BBOX1: variants seen among roughly 807,000 people sequenced by gnomAD.
BBOX1 encodes the protein gamma-butyrobetaine dioxygenase.
Under a neutral mutation model 41.6 loss-of-function variants are expected in BBOX1, and 35 were observed. The observed-to-expected ratio is 0.84, with a 90% confidence interval of 0.64 to 1.11. The LOEUF is 1.11. BBOX1 is among the 50% of genes most tolerant of loss of function. BBOX1 has a pLI of 0.00. For synonymous variants in BBOX1, 163 were observed against 154.7 expected, an observed-to-expected ratio of 1.05 and a Z score of -0.40; for missense variants, 458 against 460.6, an observed-to-expected ratio of 0.99 and a Z score of 0.05.
chr11:27,076,091 G>C (rs1351623995), intron 4 of BBOX1, among the ~76,000 whole-genome samples: 1 of 152,196 alleles, frequency 6.6e-6, no homozygotes, highest in African/African-American at 2.4e-5. Flanking sequence ...TCTCCGCCTA[G>C]GAGTAGGATT....
intron 4 of BBOX1, among the ~76,000 whole-genome samples, chr11:27,065,772 ATAC>A (rs1857264195): frequency 6.6e-6 from 1 of 152,162 alleles, no homozygotes; most frequent in Admixed American, 6.5e-5. Context: ...AAAAGCCTGT[ATAC>A]TACTACATCT....
intron 2 of BBOX1, among the ~76,000 whole-genome samples, chr11:27,054,440 C>T (rs1856916893): frequency 6.6e-6 from 1 of 152,104 alleles, no homozygotes; most frequent in Non-Finnish European, 1.5e-5. Context: ...TGGAAAATAA[C>T]ATATGAAGAA....
chr11:27,105,496 AT>A (rs1179066058), intron 5 of BBOX1, among the ~76,000 whole-genome samples: 1 of 152,206 alleles, frequency 6.6e-6, no homozygotes, highest in Non-Finnish European at 1.5e-5. Context: ...GGTATCAGTA[AT>A]TGAAGATCAA....
At chr11:27,108,259 C>A (rs1461069298) in intron 5 of BBOX1, among the ~76,000 whole-genome samples, 4 of 152,032 alleles carry the variant, frequency 2.6e-5, no homozygotes, top group South Asian at 2.1e-4. Context: ...GCATCTCAAC[C>A]AGTTTTTGGC....
chr11:27,100,158 C>T (rs1030712124), intron 5 of BBOX1, among the ~76,000 whole-genome samples: 12 of 152,068 alleles, frequency 7.9e-5, no homozygotes, highest in East Asian at 5.8e-4. Context: ...TACTATTTCT[C>T]GGCATCTCAC....
At chr11:27,061,011 T>C (rs1171579882) in intron 4 of BBOX1, among the ~76,000 whole-genome samples, 1 of 152,214 alleles carries the variant, frequency 6.6e-6, no homozygotes, top group Non-Finnish European at 1.5e-5. Flanking sequence ...ATGTATTTTT[T>C]TAAATTTATT....
intron 4 of BBOX1, among the ~76,000 whole-genome samples, chr11:27,064,605 C>T (rs1037050094): frequency 3.9e-5 from 6 of 152,034 alleles, no homozygotes; most frequent in Non-Finnish European, 5.9e-5. Context: ...AAAGAAAGAC[C>T]ATGGTTTTAC....
intron 4 of BBOX1, among the ~76,000 whole-genome samples, chr11:27,084,239 C>T (rs1033433461): frequency 6.6e-6 from 1 of 152,104 alleles, no homozygotes; most frequent in African/African-American, 2.4e-5. Flanking sequence ...ACCCCTGTTG[C>T]CAAAGCAGTA....
At chr11:27,123,438 A>G (rs1859535823) in intron 7 of BBOX1, among the ~76,000 whole-genome samples, 1 of 152,198 alleles carries the variant, frequency 6.6e-6, no homozygotes, top group South Asian at 2.1e-4. Flanking sequence ...AGTGGAAGAA[A>G]AGTAAAGCAG....
intron 4 of BBOX1, among the ~76,000 whole-genome samples, chr11:27,087,956 T>C (rs1858102034): frequency 6.6e-6 from 1 of 152,092 alleles, no homozygotes; most frequent in East Asian, 1.9e-4. Context: ...CCTATTGTAT[T>C]GACAGCTGTG....
chr11:27,115,734 C>T (rs539086587), intron 6 of BBOX1, among the ~76,000 whole-genome samples, 177 bp downstream of exon 6: 3 of 151,938 alleles, frequency 2.0e-5, no homozygotes, highest in East Asian at 1.9e-4. Flanking sequence ...CTTCACATTC[C>T]TAAAGGAGAG....
intron 4 of BBOX1, among the ~76,000 whole-genome samples, chr11:27,083,257 A>G (rs530462459): frequency 8.5e-5 from 13 of 152,294 alleles, no homozygotes; most frequent in Admixed American, 5.9e-4. Flanking sequence ...GAAAACCTTC[A>G]GTGTTGGGCT....
At chr11:27,097,189 G>A (rs955355846) in intron 5 of BBOX1, among the ~76,000 whole-genome samples, 2 of 81,194 alleles carry the variant, frequency 2.5e-5, no homozygotes, top group African/African-American at 2.6e-4. Context: ...TACAGACTAG[G>A]CCAAAATGCC....
intron 5 of BBOX1, among the ~76,000 whole-genome samples, chr11:27,100,171 C>T (rs1858594726): frequency 6.6e-6 from 1 of 152,084 alleles, no homozygotes. Context: ...CATCTCACCC[C>T]TAAGAAATTG....
intron 5 of BBOX1, among the ~76,000 whole-genome samples, chr11:27,107,109 A>G (rs1289407606): frequency 6.6e-6 from 1 of 152,194 alleles, no homozygotes; most frequent in Non-Finnish European, 1.5e-5. Flanking sequence ...GGAAATTTAT[A>G]GCACTAAATG....
At chr11:27,080,477 A>G (rs145576378) in intron 4 of BBOX1, among the ~76,000 whole-genome samples, 5 of 152,198 alleles carry the variant, frequency 3.3e-5, no homozygotes, top group Admixed American at 1.3e-4. Flanking sequence ...ATCATACTCA[A>G]TGAGTGTCTG....
chr11:27,048,892 C>A (rs1488644749), intron 2 of BBOX1, among the ~76,000 whole-genome samples: 3 of 107,514 alleles, frequency 2.8e-5, no homozygotes, highest in Non-Finnish European at 3.6e-5. Flanking sequence ...TGCTATCCCT[C>A]CCCCCTCCCC....
At chr11:27,090,536 G>GT (rs1247062655) in intron 4 of BBOX1, among the ~76,000 whole-genome samples, 1 of 151,900 alleles carries the variant, frequency 6.6e-6, no homozygotes, top group African/African-American at 2.4e-5. Context: ...AGAACTACTG[G>GT]TAAGGGTTTA....
intron 5 of BBOX1, among the ~76,000 whole-genome samples, chr11:27,101,058 G>A (rs1379015117): frequency 6.6e-6 from 1 of 152,044 alleles, no homozygotes; most frequent in African/African-American, 2.4e-5. Context: ...CCAAAAAAAT[G>A]AGGCAGAAGA....
Sources: gnomAD v4.1 joint callset for allele counts (sites outside exome capture counted in the v4.1 genomes callset) on GRCh38, gnomAD v4.1.1 for gene constraint, MANE v1.5 for transcripts, NCBI Gene and HGNC (gene_info 2026-07-23, HGNC 2026-07-21) for gene names.